DACH1: variants seen among roughly 807,000 people sequenced by gnomAD.
The protein encoded by DACH1 is dachshund family transcription factor 1.
DACH1 carries 12 observed loss-of-function variants against 54.2 expected under a neutral mutation model. That is an observed-to-expected ratio of 0.22 (90% confidence interval 0.14 to 0.36). DACH1 has a LOEUF of 0.36. Among genes scored for constraint, DACH1 ranks in the 10% least tolerant of loss-of-function variants. The pLI is 1.00. For missense variants in DACH1, 805 were observed against 929.8 expected, an observed-to-expected ratio of 0.87 and a Z score of 1.75; for synonymous variants, 386 against 366.2, an observed-to-expected ratio of 1.05 and a Z score of -0.62.
chr13:71,847,719 G>GA (rs889151353), intron 1 of DACH1, among the ~76,000 whole-genome samples: 3 of 152,130 alleles, frequency 2.0e-5, no homozygotes, highest in African/African-American at 7.2e-5. Context: ...ATGCCATGGA[G>GA]AAAATCAATT....
chr13:71,590,268 G>A (rs2138457930), intron 3 of DACH1, among the ~76,000 whole-genome samples: 1 of 151,876 alleles, frequency 6.6e-6, no homozygotes, highest in South Asian at 2.1e-4. Flanking sequence ...CTAAGAAGAG[G>A]GTCAAAGGAA....
At chr13:71,642,508 G>C (rs1026304633) in intron 2 of DACH1, among the ~76,000 whole-genome samples, 1 of 152,178 alleles carries the variant, frequency 6.6e-6, no homozygotes, top group African/African-American at 2.4e-5. Flanking sequence ...GGATGGATTT[G>C]AGATTCTTTT....
At chr13:71,506,871 G>A (rs1360092860) in intron 6 of DACH1, among the ~76,000 whole-genome samples, 1 of 151,198 alleles carries the variant, frequency 6.6e-6, no homozygotes, top group Non-Finnish European at 1.5e-5. Flanking sequence ...AGCTGAAACT[G>A]GATCCCTTCC....
intron 1 of DACH1, among the ~76,000 whole-genome samples, chr13:71,838,635 A>C (rs1302990253): frequency 3.3e-5 from 5 of 152,202 alleles, no homozygotes; most frequent in Non-Finnish European, 7.3e-5. Flanking sequence ...GTTAAAAAGC[A>C]ATTTTGAAGC....
At chr13:71,523,487 C>A (rs1054920748) in intron 6 of DACH1, among the ~76,000 whole-genome samples, 7 of 152,096 alleles carry the variant, frequency 4.6e-5, no homozygotes, top group Non-Finnish European at 1.5e-5. Flanking sequence ...TGTCGTGAAA[C>A]AATCAAAATA....
At chr13:71,721,899 T>C (rs763334567) in intron 1 of DACH1, among the ~76,000 whole-genome samples, 1 of 152,154 alleles carries the variant, frequency 6.6e-6, no homozygotes, top group Non-Finnish European at 1.5e-5. Flanking sequence ...GTTATGAATA[T>C]ATACCTGAAG....
intron 3 of DACH1, among the ~76,000 whole-genome samples, chr13:71,621,804 G>C (rs528237686): frequency 5.3e-5 from 8 of 151,998 alleles, no homozygotes; most frequent in Non-Finnish European, 2.9e-5. Context: ...GAAGGAAACC[G>C]TATCCGTTTC....
intron 1 of DACH1, among the ~76,000 whole-genome samples, chr13:71,861,470 T>G: frequency 6.6e-6 from 1 of 152,030 alleles, no homozygotes; most frequent in Admixed American, 6.6e-5. Context: ...GCAGTATAAT[T>G]TGACTGAACA....
intron 2 of DACH1, among the ~76,000 whole-genome samples, chr13:71,663,692 C>T (rs555291746): frequency 3.8e-4 from 58 of 151,942 alleles, no homozygotes; most frequent in African/African-American, 1.3e-3. Context: ...TTTATAGATG[C>T]CCAACTATTA....
intron 2 of DACH1, among the ~76,000 whole-genome samples, chr13:71,649,784 A>T (rs757143422): frequency 9.9e-5 from 15 of 152,210 alleles, no homozygotes; most frequent in Admixed American, 5.2e-4. Context: ...GAAATATATC[A>T]TGGTAAAATC....
chr13:71,534,731 CAAT>C (rs928500741), intron 6 of DACH1, among the ~76,000 whole-genome samples: 15 of 151,626 alleles, frequency 9.9e-5, no homozygotes, highest in African/African-American at 3.1e-4. Flanking sequence ...AAATTTAAAA[CAAT>C]AATAACTAAA....
intron 6 of DACH1, among the ~76,000 whole-genome samples, chr13:71,505,341 A>G (rs887972859): frequency 1.3e-5 from 2 of 152,190 alleles, no homozygotes; most frequent in Non-Finnish European, 2.9e-5. Context: ...TCGGCCTCCC[A>G]AAGTACTGGG....
At chr13:71,638,321 G>C (rs931563802) in intron 2 of DACH1, among the ~76,000 whole-genome samples, 2 of 152,154 alleles carry the variant, frequency 1.3e-5, no homozygotes, top group Non-Finnish European at 2.9e-5. Flanking sequence ...TTAGCAATAT[G>C]AATCTAACCA....
intron 1 of DACH1, among the ~76,000 whole-genome samples, chr13:71,718,066 G>A (rs1291421960): frequency 6.6e-6 from 1 of 151,894 alleles, no homozygotes; most frequent in African/African-American, 2.4e-5. Context: ...CCCCAGAAAA[G>A]AACAACCACA....
intron 1 of DACH1, among the ~76,000 whole-genome samples, chr13:71,699,596 A>G (rs1450554194): frequency 6.6e-6 from 1 of 152,204 alleles, no homozygotes; most frequent in Non-Finnish European, 1.5e-5. Context: ...TTTATGAACA[A>G]AACCTTCCTG....
chr13:71,771,316 GATAAATAAATAA>G (rs35368673), intron 1 of DACH1, among the ~76,000 whole-genome samples: 67 of 78,954 alleles, frequency 8.5e-4, no homozygotes, highest in Admixed American at 1.2e-3. Context: ...GAAGCAAAAG[GATAAATAAATAA>G]ATAAATAAAT....
intron 6 of DACH1, among the ~76,000 whole-genome samples, chr13:71,541,272 C>T (rs1883112083): frequency 6.6e-6 from 1 of 151,964 alleles, no homozygotes; most frequent in Non-Finnish European, 1.5e-5. Flanking sequence ...ATATTGCTTC[C>T]TTGACAATGA....
At chr13:71,688,317 T>C (rs939212442) in intron 1 of DACH1, among the ~76,000 whole-genome samples, 2 of 152,238 alleles carry the variant, frequency 1.3e-5, no homozygotes, top group Non-Finnish European at 2.9e-5. Context: ...CAATGCATAG[T>C]TTTCCCTTAG....
At chr13:71,743,889 A>T (rs1884503006) in intron 1 of DACH1, among the ~76,000 whole-genome samples, 1 of 152,182 alleles carries the variant, frequency 6.6e-6, no homozygotes. Flanking sequence ...AATTATGTTG[A>T]AAGTCGACTG....
Sources: allele counts gnomAD v4.1 joint callset (sites outside exome capture counted in the v4.1 genomes callset), GRCh38; gene constraint gnomAD v4.1.1; transcripts MANE v1.5; gene names NCBI Gene and HGNC (gene_info 2026-07-23, HGNC 2026-07-21).